The following DCX variants were observed in gnomAD, a reference collection of about 807,000 sequenced individuals.
DCX encodes doublecortin.
A neutral mutation model predicts 20.9 loss-of-function variants in DCX; 4 were observed. That is an observed-to-expected ratio of 0.19 (90% CI 0.09 to 0.44). DCX has a LOEUF of 0.44. DCX is among the 20% of genes least tolerant of loss of function. DCX has a pLI of 0.99. For missense variants in DCX, 133 were observed against 296.9 expected (o/e 0.45, Z 4.06); for synonymous variants, 103 against 111.4 (o/e 0.92, Z 0.47).
Position 111,345,493 on chromosome X carries a change from A to G in DCX, c.706-12340T>C, listed in dbSNP as rs761538521. Among the ~76,000 whole-genome samples the G allele has an allele frequency of 4.5e-5, 5 of 112,058 alleles. No homozygotes were observed. The East Asian group carries it at 1.4e-3, about 32-fold the overall frequency. ...GGGAGAAAATTTTTGCAATGTACCCATCTGACAAAGGTCTAATATCCAGAA... is the reference window on the plus strand; with the variant it reads ...GGGAGAAAATTTTTGCAATGTACCCGTCTGACAAAGGTCTAATATCCAGAA... On this transcript the variant is annotated intron_variant, in intron 3 of 6. Transcript: ENST00000636035.
chrX:111,374,353 T>C (rs1014130505), intron 3 of DCX, among the ~76,000 whole-genome samples: 2 of 112,320 alleles, frequency 1.8e-5, no homozygotes, highest in Non-Finnish European at 3.8e-5. Context: ...CCATAGATGA[T>C]CCAAGCATTG....
chrX:111,339,671 T>G (rs1316320030), intron 3 of DCX, among the ~76,000 whole-genome samples: 1 of 112,157 alleles, frequency 8.9e-6, no homozygotes, highest in Non-Finnish European at 1.9e-5. Flanking sequence ...TATCTCCAGG[T>G]CCTTCTTACC....
chrX:111,312,016 T>A (rs942285880), intron 6 of DCX, among the ~76,000 whole-genome samples: 1 of 112,501 alleles, frequency 8.9e-6, no homozygotes, highest in Admixed American at 9.4e-5. Flanking sequence ...TCTGTTTGGA[T>A]AGCGGGGCTA....
intron 3 of DCX, among the ~76,000 whole-genome samples, chrX:111,397,185 C>G (rs1927384886): frequency 9.0e-6 from 1 of 111,495 alleles, no homozygotes; most frequent in Admixed American, 9.5e-5. Context: ...TTTAGCTGAT[C>G]ATTATTTATA....
intron 6 of DCX, among the ~76,000 whole-genome samples, chrX:111,310,388 C>T (rs933160459): frequency 1.8e-5 from 2 of 110,171 alleles, no homozygotes; most frequent in Non-Finnish European, 3.8e-5. Flanking sequence ...ATAACATGTA[C>T]TATATGTATT....
chrX:111,306,191 C>G (rs2095045041), intron 6 of DCX, among the ~76,000 whole-genome samples: 1 of 110,785 alleles, frequency 9.0e-6, no homozygotes, highest in African/African-American at 3.3e-5. Flanking sequence ...AAAAGAGAAA[C>G]AATTTAGATT....
At chrX:111,311,288 A>G (rs2095057188) in intron 6 of DCX, among the ~76,000 whole-genome samples, 1 of 112,462 alleles carries the variant, frequency 8.9e-6, no homozygotes, top group South Asian at 3.7e-4. Context: ...AAGGTTCAAT[A>G]GCAGAAGTTA....
chrX:111,373,507 G>A (rs1007597565), intron 3 of DCX, among the ~76,000 whole-genome samples: 2 of 111,553 alleles, frequency 1.8e-5, no homozygotes, highest in African/African-American at 6.5e-5. Context: ...AAAATAAATG[G>A]TGTTTGCTGA....
chrX:111,316,077 A>G, intron 5 of DCX, among the ~76,000 whole-genome samples: 1 of 72,559 alleles, frequency 1.4e-5, no homozygotes, highest in Non-Finnish European at 2.4e-5. Flanking sequence ...CTTAGAGTAT[A>G]ATAAAAAATA....
intron 6 of DCX, among the ~76,000 whole-genome samples, chrX:111,310,050 A>G (rs2095053911): frequency 8.9e-6 from 1 of 112,727 alleles, no homozygotes. Context: ...CAGAAAAAAT[A>G]GGCCCAGTGC....
intron 5 of DCX, among the ~76,000 whole-genome samples, chrX:111,328,194 C>T (rs761464618): frequency 9.0e-6 from 1 of 111,695 alleles, no homozygotes; most frequent in East Asian, 2.8e-4. Context: ...GGAATAAATC[C>T]TCATTTCTTT....
chrX:111,336,977 GAGA>G (rs1161896380), intron 3 of DCX, among the ~76,000 whole-genome samples: 5 of 110,852 alleles, frequency 4.5e-5, no homozygotes, highest in Admixed American at 9.7e-5. Context: ...GAAGGAGGAG[GAGA>G]AGAAGAATGG....
At chrX:111,324,877 G>T (rs1194463404) in intron 5 of DCX, among the ~76,000 whole-genome samples, 1 of 111,602 alleles carries the variant, frequency 9.0e-6, no homozygotes, top group African/African-American at 3.3e-5. Context: ...CCCAAGCCAA[G>T]ACTGGCTGAT....
chrX:111,323,128 G>A (rs1167370442), intron 5 of DCX, among the ~76,000 whole-genome samples: 2 of 111,579 alleles, frequency 1.8e-5, no homozygotes, highest in East Asian at 2.8e-4. Context: ...TGTTGTCAAC[G>A]CTGACTGCTG....
chrX:111,373,950 C>T (rs1256917157), intron 3 of DCX, among the ~76,000 whole-genome samples: 1 of 111,926 alleles, frequency 8.9e-6, no homozygotes, highest in Non-Finnish European at 1.9e-5. Flanking sequence ...GGATGTGACA[C>T]TTTAAAGAGA....
chrX:111,344,618 A>C (rs1184961164), intron 3 of DCX, among the ~76,000 whole-genome samples: 1 of 111,302 alleles, frequency 9.0e-6, no homozygotes, highest in African/African-American at 3.3e-5. Context: ...GAACAAAATC[A>C]TGAATGAACT....
chrX:111,301,690 C>T lies in DCX; in HGVS notation c.1098G>A (p.Met366Ile), dbSNP rs1270535224. ...ACTCTGAGCACTCTCCCCTCCTTTA[C>T]ATGGAATCACCAAGCGAGTCCGAGT... ...LDDSDSLGDS[M>I] The change falls in exon 7 of 7, where the codon ATG becomes ATA. Residue 366 changes from methionine to isoleucine, a missense_variant. Physicochemically the swap from Met to Ile is conservative, Grantham distance 10. Transcript: ENST00000636035. 1 of 1,211,414 alleles carries T rather than the reference C, an allele frequency of 8.3e-7. No homozygotes were observed. The highest frequency in any genetic ancestry group is 3.0e-5 in the East Asian group (1 of 33,841).
rs137881628 is a variant in DCX at position 111,346,364 on chromosome X, A to G, written c.706-13211T>C. Among the ~76,000 whole-genome samples, 397 of 112,682 alleles carry G rather than the reference A, an allele frequency of 3.5e-3. 3 individuals carry two copies. The highest frequency in any genetic ancestry group is 0.012 in the African/African-American group (380 of 31,108). On this transcript the variant is annotated intron_variant, in intron 3 of 6. Coordinates refer to ENST00000636035, the MANE Select transcript of DCX (RefSeq NM_001195553.2). ...ATGTGGTATATCCATACAATGGAAT[A>G]TTATTCAGCTACAAAAAAGAATGCA...
At chrX:111,391,591 T>C (rs1446331068) in intron 3 of DCX, among the ~76,000 whole-genome samples, 1 of 110,973 alleles carries the variant, frequency 9.0e-6, no homozygotes, top group African/African-American at 3.3e-5. Context: ...TCACTCTTTT[T>C]TTGTGGGGGG....
Sources: allele counts gnomAD v4.1 joint callset (sites outside exome capture counted in the v4.1 genomes callset), GRCh38; gene constraint gnomAD v4.1.1; transcripts MANE v1.5; gene names NCBI Gene and HGNC (gene_info 2026-07-23, HGNC 2026-07-21).